FAM81A: variants seen among roughly 807,000 people sequenced by gnomAD.
The protein encoded by FAM81A is family with sequence similarity 81 member A, also known as protein FAM81A.
A neutral mutation model predicts 46.7 loss-of-function variants in FAM81A; 19 were observed. That is an observed-to-expected ratio of 0.41 (90% CI 0.28 to 0.60). The LOEUF is 0.60. Among genes scored for constraint, FAM81A ranks in the 20% least tolerant of loss-of-function variants. The probability of loss-of-function intolerance (pLI) is 0.34; values close to 1 mark genes in which losing one functional copy is unlikely to be tolerated. For missense variants in FAM81A, 377 were observed against 453.5 expected (o/e 0.83, Z 1.53); for synonymous variants, 183 against 152.9 (o/e 1.20, Z -1.45).
At chr15:59,477,327 G>T (rs757292964) in intron 3 of FAM81A, among the ~76,000 whole-genome samples, 18 of 151,980 alleles carry the variant, frequency 1.2e-4, no homozygotes, top group Non-Finnish European at 1.8e-4. Context: ...CTGGTTTATA[G>T]CTGTTTTTCA....
chr15:59,513,830 T>C (rs1438685386), intron 6 of FAM81A, among the ~76,000 whole-genome samples: 1 of 152,146 alleles, frequency 6.6e-6, no homozygotes, highest in Admixed American at 6.5e-5. Context: ...TCAACCGAAA[T>C]GTCCATCAAT....
intron 1 of FAM81A, among the ~76,000 whole-genome samples, chr15:59,400,985 G>A (rs984092963): frequency 4.6e-5 from 7 of 152,216 alleles, no homozygotes; most frequent in African/African-American, 9.6e-5. Flanking sequence ...TATTTAAAGG[G>A]AAAGTGATCT....
intron 1 of FAM81A, among the ~76,000 whole-genome samples, chr15:59,442,637 AAAAG>A (rs2081312125): frequency 6.6e-6 from 1 of 150,674 alleles, no homozygotes; most frequent in Admixed American, 6.6e-5. Flanking sequence ...AAAAAAAAAA[AAAAG>A]AAAAGAAAAG....
Position 59,415,228 on chromosome 15 carries a change from C to T in FAM81A, c.-78+12870C>T, listed in dbSNP as rs544036001. 3.3e-5 allele frequency among the ~76,000 whole-genome samples: 5 copies of T among 152,074 alleles called. 1 individual carries two copies. The highest frequency in any genetic ancestry group is 7.2e-5 in the African/African-American group (3 of 41,470). On this transcript the variant is annotated intron_variant, in intron 2 of 4. Coordinates refer to the FAM81A transcript ENST00000558348. Reference sequence around the variant, plus strand: ...CCGCCTCCTGGGTTCAAGCAATTCTCCTGCCTCAGCCTCCCGAGTAGCTGG... The same window carrying T: ...CCGCCTCCTGGGTTCAAGCAATTCTTCTGCCTCAGCCTCCCGAGTAGCTGG...
chr15:59,452,108 C>G (rs1256729557), intron 1 of FAM81A, among the ~76,000 whole-genome samples: 1 of 152,136 alleles, frequency 6.6e-6, no homozygotes, highest in East Asian at 1.9e-4. Context: ...TCAGCTGTTC[C>G]CATCTCTTCC....
chr15:59,503,356 A>G (rs1438493721), intron 4 of FAM81A, among the ~76,000 whole-genome samples: 3 of 93,472 alleles, frequency 3.2e-5, no homozygotes, highest in Non-Finnish European at 6.3e-5. Context: ...TAATAATAAG[A>G]TAATAGTTTA....
At position 59,506,506 on chromosome 15, in the gene FAM81A, C is replaced by A. The variant is rs367603237; in HGVS notation, c.414-707C>A. 2.6e-5 allele frequency among the ~76,000 whole-genome samples: 4 copies of A among 152,322 alleles called. No homozygotes were observed. The East Asian group carries it at 7.7e-4, about 29-fold the overall frequency. On this transcript the variant is annotated intron_variant, in intron 4 of 8. Transcript: ENST00000288228. ...GATTGCAGAGTCACCTAATGGCATT[C>A]TGTCTCTACTGAGCCCAGTAGCAAG...
chr15:59,507,525 C>T (rs1257779650), intron 5 of FAM81A, among the ~76,000 whole-genome samples, 183 bp downstream of exon 5: 8 of 152,110 alleles, frequency 5.3e-5, no homozygotes, highest in Non-Finnish European at 1.2e-4. Context: ...CTTCATGTGT[C>T]TGGCAACCAA....
At chr15:59,516,246 C>T (rs1265115529) in intron 7 of FAM81A, among the ~76,000 whole-genome samples, 2 of 151,966 alleles carry the variant, frequency 1.3e-5, no homozygotes, top group African/African-American at 4.8e-5. Context: ...CTGCCTCAGC[C>T]TCCTATGTAG....
At chr15:59,474,172 C>G (rs965962916) in intron 3 of FAM81A, among the ~76,000 whole-genome samples, 2 of 152,184 alleles carry the variant, frequency 1.3e-5, no homozygotes, top group Non-Finnish European at 2.9e-5. Flanking sequence ...TGTTACTTTA[C>G]AAGCCTCTCA....
intron 2 of FAM81A, among the ~76,000 whole-genome samples, chr15:59,421,745 GTCTA>G (rs1242529010): frequency 7.6e-4 from 58 of 76,744 alleles, no homozygotes; most frequent in African/African-American, 2.2e-3. Flanking sequence ...CTATCTATCT[GTCTA>G]TCTATCTATC....
At chr15:59,515,965 A>G (rs1300039235) in intron 7 of FAM81A, among the ~76,000 whole-genome samples, 2 of 152,186 alleles carry the variant, frequency 1.3e-5, no homozygotes, top group Admixed American at 6.5e-5. Context: ...AGAGTGATCC[A>G]TATCTTCATA....
intron 1 of FAM81A, among the ~76,000 whole-genome samples, chr15:59,398,323 CTG>C (rs2081055681): frequency 1.3e-5 from 2 of 152,186 alleles, no homozygotes; most frequent in African/African-American, 4.8e-5. Flanking sequence ...GGGAGGAACA[CTG>C]TGTAAATTTG....
At chr15:59,418,313 C>T (rs564928543) in intron 2 of FAM81A, among the ~76,000 whole-genome samples, 64 of 152,288 alleles carry the variant, frequency 4.2e-4, no homozygotes, top group Admixed American at 1.8e-3. Context: ...AGCTACCTTA[C>T]GTGGAGAAGA....
intron 3 of FAM81A, among the ~76,000 whole-genome samples, chr15:59,473,385 G>A (rs1238784894): frequency 1.3e-5 from 2 of 152,150 alleles, no homozygotes; most frequent in African/African-American, 4.8e-5. Flanking sequence ...TAGTCACTTA[G>A]TAGATGTCTT....
At chr15:59,494,339 C>T (rs936883284) in intron 4 of FAM81A, among the ~76,000 whole-genome samples, 7 of 152,058 alleles carry the variant, frequency 4.6e-5, no homozygotes, top group Non-Finnish European at 5.9e-5. Context: ...GCTTGAGTTG[C>T]GGATGAAGAT....
intron 6 of FAM81A, among the ~76,000 whole-genome samples, chr15:59,514,043 A>C (rs887565509): frequency 1.4e-5 from 2 of 144,376 alleles, no homozygotes; most frequent in African/African-American, 2.6e-5. Flanking sequence ...ATGTGGACAC[A>C]GGGAGGGGAC....
intron 1 of FAM81A, 135 bp from the exon 2 acceptor site, chr15:59,458,415 T>TA: frequency 1.6e-6 from 1 of 616,850 alleles, no homozygotes. Flanking sequence ...ATGTATAAGA[T>TA]ACAAAACATT....
chr15:59,457,114 C>A (rs1323818074), intron 1 of FAM81A, among the ~76,000 whole-genome samples: 1 of 152,196 alleles, frequency 6.6e-6, no homozygotes, highest in African/African-American at 2.4e-5. Flanking sequence ...GTAGTCCCCC[C>A]TTATCGATGG....
Sources: allele counts gnomAD v4.1 joint callset (sites outside exome capture counted in the v4.1 genomes callset), GRCh38; gene constraint gnomAD v4.1.1; transcripts MANE v1.5; gene names NCBI Gene and HGNC (gene_info 2026-07-23, HGNC 2026-07-21).